The following RIOK1 variants were observed in gnomAD, a reference collection of about 807,000 sequenced individuals.
RIOK1 encodes RIO kinase 1.
In RIOK1, 66 loss-of-function variants were observed where a neutral mutation model predicts 73.5. The ratio of observed to expected loss-of-function variants is 0.90; its 90% confidence interval spans 0.74 to 1.10. The LOEUF (loss-of-function observed/expected upper bound fraction) is 1.10, where lower values mean the gene tolerates loss of function less well. Ranked by LOEUF, RIOK1 falls within the 50% of genes least tolerant of loss-of-function variation. The probability of loss-of-function intolerance (pLI) is 0.00; values close to 1 mark genes in which losing one functional copy is unlikely to be tolerated. For synonymous variants in RIOK1, 224 were observed against 226.8 expected (o/e 0.99, Z 0.11); for missense variants, 658 against 699.8 (o/e 0.94, Z 0.67).
intron 6 of RIOK1, among the ~76,000 whole-genome samples, chr6:7,402,035 A>G (rs531377344): frequency 6.6e-6 from 1 of 152,322 alleles, no homozygotes; most frequent in Admixed American, 6.5e-5. Flanking sequence ...GAGATATAAA[A>G]AAGTTTGAAA....
chr6:7,414,137 G>T, intron 15 of RIOK1, 101 bp from the exon 16 acceptor site: 1 of 1,017,286 alleles, frequency 9.8e-7, no homozygotes, highest in Non-Finnish European at 1.4e-6. Flanking sequence ...ACATATATTT[G>T]CGAGCCTAAA....
Position 7,396,973 on chromosome 6 carries a change from A to G in RIOK1, c.437+201A>G, listed in dbSNP as rs868103648. On this transcript the variant is annotated intron_variant, in intron 4 of 16. Transcript: ENST00000379834. ...ATGCCTTTGTGAATTAAAAATATTA[A>G]TGAATCTTGGCTGGGTGTGGTGGCT... Among the ~76,000 whole-genome samples the G allele has an allele frequency of 1.3e-5, 2 of 152,050 alleles. 1 individual carries two copies. Among genetic ancestry groups the G allele is most frequent in the Middle Eastern group, 6.8e-3 (2 of 294 alleles).
intron 3 of RIOK1, among the ~76,000 whole-genome samples, chr6:7,396,221 A>G (rs560108886): frequency 1.3e-5 from 2 of 152,182 alleles, no homozygotes; most frequent in Non-Finnish European, 2.9e-5. Flanking sequence ...CCATCTTTCT[A>G]TTCTTGTGGA....
Position 7,395,870 on chromosome 6 carries a change from C to T in RIOK1, c.367+727C>T, listed in dbSNP as rs377536545. ...GACCACAGGTGCACACCACCACACC[C>T]GGCCAATTTTTATTTTCTGTAGAGA... On this transcript the variant is annotated intron_variant, in intron 3 of 16. Transcript: ENST00000379834. Among the ~76,000 whole-genome samples the T allele has an allele frequency of 5.0e-3, 764 of 152,136 alleles. 10 individuals are homozygous for T. Among genetic ancestry groups the T allele is most frequent in the South Asian group, 0.022 (106 of 4,822 alleles).
Position 7,393,139 on chromosome 6 carries a change from AT to A in RIOK1, c.114del (p.Leu39CysfsTer9), listed in dbSNP as rs1299267183. 1 of 1,613,806 alleles carries A rather than the reference AT, an allele frequency of 6.2e-7. No homozygotes were observed. The highest frequency in any genetic ancestry group is 8.5e-7 in the Non-Finnish European group (1 of 1,179,818). Reference protein sequence around the residue: ...DLKTVKEKDDILFEDLQDNVN... With the variant: ...DLKTVKEKDDXLFEDLQDNVN... ...GAAGACAGTCAAAGAGAAGGATGAC[AT>A]TCTGTTTGAAGACCTTCAAGACAAT... is the stretch of plus-strand genomic sequence containing the variant. On this transcript the variant is annotated frameshift_variant, in exon 2 of 17. Transcript: ENST00000379834. LOFTEE classifies it high-confidence loss of function.
chr6:7,400,729 G>A (rs1200192518), intron 5 of RIOK1, among the ~76,000 whole-genome samples: 2 of 152,160 alleles, frequency 1.3e-5, no homozygotes, highest in African/African-American at 4.8e-5. Flanking sequence ...TGATTTCCAT[G>A]ACTGGATGAA....
intron 12 of RIOK1, among the ~76,000 whole-genome samples, chr6:7,406,618 G>T (rs759177079): frequency 1.4e-4 from 22 of 152,166 alleles, no homozygotes; most frequent in Non-Finnish European, 7.4e-5. Context: ...CACTTAGTAT[G>T]ATGTCTTCAA....
intron 11 of RIOK1, 59 bp downstream of exon 11, chr6:7,405,080 G>GT: frequency 1.4e-6 from 2 of 1,424,206 alleles, no homozygotes; most frequent in Non-Finnish European, 2.0e-6. Flanking sequence ...TTTGTACTCA[G>GT]TTAAGCTGTT....
At chr6:7,395,513 CAAAAAAA>C (rs34911861) in intron 3 of RIOK1, among the ~76,000 whole-genome samples, 12 of 108,146 alleles carry the variant, frequency 1.1e-4, no homozygotes, top group South Asian at 5.3e-4. Context: ...AATTCCATCT[CAAAAAAA>C]AAAAAAAAGA....
chr6:7,394,901 T>C, intron 2 of RIOK1, 152 bp from the exon 3 acceptor site: 13 of 1,217,972 alleles, frequency 1.1e-5, no homozygotes, highest in Non-Finnish European at 1.5e-5. Context: ...TTAAAAAATT[T>C]TTTGAGCCAA....
chr6:7,402,571 C>T, intron 6 of RIOK1, 32 bp from the exon 7 acceptor site: 1 of 1,512,988 alleles, frequency 6.6e-7, no homozygotes. Flanking sequence ...TTAACATAAA[C>T]TTCATTTTCT....
rs988072923 is a variant in RIOK1 at position 7,398,705 on chromosome 6, A to G, written c.445A>G (p.Ile149Val). The stretch of plus-strand genomic sequence containing the variant: ...GTTTTTGTTTTTGGTTAGGTATCGC[A>G]TCAAAGATAAGGCAGACAGAGCAAC... ...SRQKEADMYR[I>V]KDKADRATVE... The change falls in exon 5 of 17, where the codon ATC (isoleucine) becomes GTC (valine). Residue 149 changes from isoleucine (I) to valine (V), a missense_variant. By Grantham distance (29) the Ile-to-Val change is conservative. Coordinates refer to ENST00000379834, the MANE Select transcript of RIOK1 (RefSeq NM_031480.3). 6.8e-6 allele frequency: 11 copies of G among 1,613,052 alleles called. No individual in the cohort carries two copies. Among genetic ancestry groups the G allele is most frequent in the African/African-American group, 2.7e-5 (2 of 74,918 alleles).
intron 6 of RIOK1, 29 bp from the exon 7 acceptor site, chr6:7,402,574 C>A (rs576271570): frequency 1.3e-6 from 2 of 1,524,440 alleles, no homozygotes; most frequent in African/African-American, 1.4e-5. Flanking sequence ...ACATAAACTT[C>A]ATTTTCTTTT....
At chr6:7,412,158 C>T (rs368308775) in intron 14 of RIOK1, among the ~76,000 whole-genome samples, 5 of 152,030 alleles carry the variant, frequency 3.3e-5, no homozygotes, top group Admixed American at 6.6e-5. Flanking sequence ...GTCAGGAGTT[C>T]GAGACCAACC....
chr6:7,389,871 G>A lies in RIOK1; in HGVS notation c.-132G>A. 1 of 644,276 alleles carries A rather than the reference G, an allele frequency of 1.6e-6. No homozygotes were observed. The highest frequency in any genetic ancestry group is 2.7e-6 in the Non-Finnish European group (1 of 372,034). The allele number at this position is 644,276 out of a possible 1,614,324, so 39.9% of individuals were successfully genotyped here. A position where few individuals can be genotyped will look rare whatever the true frequency, so the allele number is the denominator to read the frequency against. On this transcript the variant is annotated 5_prime_UTR_variant, in exon 1 of 17. Transcript: ENST00000379834. ...GTCCCGTTTTCCCGTCGCACGTGGT[G>A]GCCACTGTTGGCTTCTGAATGGTTT...
At chr6:7,394,579 G>A (rs984649358) in intron 2 of RIOK1, among the ~76,000 whole-genome samples, 1 of 152,254 alleles carries the variant, frequency 6.6e-6, no homozygotes, top group African/African-American at 2.4e-5. Context: ...GAGGCTTTGA[G>A]CAATTTCATT....
intron 10 of RIOK1, 35 bp downstream of exon 10, chr6:7,404,590 A>T (rs1287797590): frequency 6.2e-7 from 1 of 1,604,322 alleles, no homozygotes; most frequent in Non-Finnish European, 8.5e-7. Context: ...ACTGCCTGTC[A>T]GTTGTTTCGT....
intron 1 of RIOK1, among the ~76,000 whole-genome samples, chr6:7,390,936 A>G (rs956551608): frequency 6.6e-6 from 1 of 152,220 alleles, no homozygotes; most frequent in African/African-American, 2.4e-5. Context: ...TTCAAAAATA[A>G]TAAGGTAATC....
chr6:7,396,673 T>C (rs770025837), intron 3 of RIOK1, 30 bp from the exon 4 acceptor site: 1 of 1,396,580 alleles, frequency 7.2e-7, no homozygotes. Context: ...TCTTACATAT[T>C]GTTTACATTG....
Sources: gnomAD v4.1 joint callset for allele counts (sites outside exome capture counted in the v4.1 genomes callset) on GRCh38, gnomAD v4.1.1 for gene constraint, MANE v1.5 for transcripts, NCBI Gene and HGNC (gene_info 2026-07-23, HGNC 2026-07-21) for gene names.